HCK: variants seen among roughly 807,000 people sequenced by gnomAD.
HCK encodes tyrosine-protein kinase HCK.
In HCK, 40 loss-of-function variants were observed where a neutral mutation model predicts 70.4. The observed-to-expected ratio is 0.57, with a 90% CI of 0.44 to 0.74. The LOEUF (loss-of-function observed/expected upper bound fraction) is 0.74. HCK is among the 30% of genes least tolerant of loss of function. HCK has a pLI of 0.00. For missense variants in HCK, 568 were observed against 697.2 expected (o/e 0.81, Z 2.09); for synonymous variants, 245 against 263.2 (o/e 0.93, Z 0.67).
intron 1 of HCK, among the ~76,000 whole-genome samples, chr20:32,062,542 T>C (rs1190826433): frequency 6.6e-6 from 1 of 152,188 alleles, no homozygotes; most frequent in African/African-American, 2.4e-5. Flanking sequence ...CCCTGAGTTC[T>C]CCTTTAGTGT....
At chr20:32,072,747 A>AC (rs1430637250) in intron 2 of HCK, among the ~76,000 whole-genome samples, 3 of 151,230 alleles carry the variant, frequency 2.0e-5, no homozygotes, top group Non-Finnish European at 4.4e-5. Context: ...ATCTGGACCG[A>AC]CCCCTTCACT....
chr20:32,094,787 G>GAGA lies in HCK; in HGVS notation c.1246+773_1246+775dup, dbSNP rs1286693158. Among the ~76,000 whole-genome samples, 181 of 105,370 alleles carry GAGA rather than the reference G, an allele frequency of 1.7e-3. 2 individuals are homozygous for GAGA. The highest frequency in any genetic ancestry group is 6.5e-3 in the African/African-American group (162 of 25,042). The allele number at this position is 105,370 out of a possible 152,430, so 69.1% of individuals were successfully genotyped here. ...AAGGAAAGAAAGAAAGAGAGAGAAA[G>GAGA]AGAAAGAAAGAAAGAAAGAAAGAAA... On this transcript the variant is annotated intron_variant, in intron 11 of 12. Coordinates refer to ENST00000375852, the MANE Select transcript of HCK (RefSeq NM_002110.5).
chr20:32,096,230 G>A (rs889556227), intron 11 of HCK, among the ~76,000 whole-genome samples: 1 of 151,640 alleles, frequency 6.6e-6, no homozygotes, highest in African/African-American at 2.4e-5. Context: ...CGGGCACAGT[G>A]GCTCACACCT....
At chr20:32,054,735 G>A (rs1473858155) in intron 1 of HCK, among the ~76,000 whole-genome samples, 1 of 151,836 alleles carries the variant, frequency 6.6e-6, no homozygotes, top group East Asian at 1.9e-4. Flanking sequence ...GAACCCTGGA[G>A]GTGGAGCTTG....
At chr20:32,064,073 G>A (rs868441706) in intron 1 of HCK, among the ~76,000 whole-genome samples, 22 of 132,642 alleles carry the variant, frequency 1.7e-4, no homozygotes, top group South Asian at 7.2e-4. Flanking sequence ...GCGCAATCTC[G>A]GCTCACTGCA....
chr20:32,091,534 T>C (rs1230948380), intron 10 of HCK, among the ~76,000 whole-genome samples: 1 of 152,236 alleles, frequency 6.6e-6, no homozygotes, highest in Non-Finnish European at 1.5e-5. Flanking sequence ...TCATAACTTT[T>C]GTTAACTGTT....
At chr20:32,096,999 A>C (rs1031095232) in intron 11 of HCK, among the ~76,000 whole-genome samples, 1 of 152,032 alleles carries the variant, frequency 6.6e-6, no homozygotes, top group South Asian at 2.1e-4. Context: ...AAAAATTTAG[A>C]CCGGGCACAG....
At chr20:32,073,416 T>C in intron 3 of HCK, 55 bp downstream of exon 3, 5 of 1,453,226 alleles carry the variant, frequency 3.4e-6, no homozygotes, top group Non-Finnish European at 4.8e-6. Flanking sequence ...AGGACTCCGC[T>C]AGGTTCTCCC....
At chr20:32,087,073 G>T (rs1362564447) in intron 9 of HCK, among the ~76,000 whole-genome samples, 1 of 152,210 alleles carries the variant, frequency 6.6e-6, no homozygotes, top group East Asian at 1.9e-4. Context: ...CCTGGGCAAT[G>T]GGAGAAGGGG....
chr20:32,085,036 C>T (rs2045763801), intron 8 of HCK, among the ~76,000 whole-genome samples: 1 of 152,228 alleles, frequency 6.6e-6, no homozygotes, highest in Non-Finnish European at 1.5e-5. Context: ...AACAACACTG[C>T]CTGCTTTGCA....
chr20:32,059,804 C>T (rs1418404622), intron 1 of HCK, among the ~76,000 whole-genome samples: 1 of 152,140 alleles, frequency 6.6e-6, no homozygotes, highest in Non-Finnish European at 1.5e-5. Context: ...ATGTGAGCCA[C>T]CATACCTGGC....
At chr20:32,096,670 T>C (rs1366065146) in intron 11 of HCK, among the ~76,000 whole-genome samples, 2 of 152,060 alleles carry the variant, frequency 1.3e-5, no homozygotes, top group African/African-American at 4.8e-5. Context: ...CCCAGCTAAT[T>C]TTTTAATTAT....
intron 5 of HCK, among the ~76,000 whole-genome samples, chr20:32,077,527 T>G (rs1202878647): frequency 6.6e-6 from 1 of 152,136 alleles, no homozygotes; most frequent in Non-Finnish European, 1.5e-5. Flanking sequence ...TGTTTTGTTT[T>G]GTTTTGTTTT....
At chr20:32,076,648 A>G (rs1178434251) in intron 5 of HCK, among the ~76,000 whole-genome samples, 2 of 152,216 alleles carry the variant, frequency 1.3e-5, no homozygotes, top group Admixed American at 6.5e-5. Flanking sequence ...CATGAGCAGC[A>G]ACAGCATCAC....
intron 1 of HCK, among the ~76,000 whole-genome samples, chr20:32,061,367 G>A (rs151026457): frequency 6.6e-6 from 1 of 152,234 alleles, no homozygotes; most frequent in Non-Finnish European, 1.5e-5. Flanking sequence ...AGACATGGGT[G>A]GGCTTCGGTC....
At chr20:32,088,513 T>G (rs2223785) in intron 9 of HCK, 55 bp from the exon 10 acceptor site, 2 of 1,363,954 alleles carry the variant, frequency 1.5e-6, no homozygotes, top group Admixed American at 3.8e-5. Context: ...GTAATTGTGG[T>G]TTTTGCCATT....
chr20:32,052,379 G>C lies in HCK; in HGVS notation c.-46G>C. 7.9e-7 allele frequency: 1 copy of C among 1,269,946 alleles called. No individual in the cohort carries two copies. 78.7% of individuals were successfully genotyped at this position (1,269,946 alleles called of 1,614,324 possible). A position where few individuals can be genotyped will look rare whatever the true frequency, so the allele number is the denominator to read the frequency against. On this transcript the variant is annotated 5_prime_UTR_variant, in exon 1 of 13. Coordinates refer to ENST00000375852, the MANE Select transcript of HCK (RefSeq NM_002110.5). The stretch of plus-strand genomic sequence containing the variant: ...TCGCCCCCGCCTCTAGTTCTAGAAA[G>C]TCAGTTTCCCGGCACTGGCACCCCG...
In HCK at chr20:32,094,751, A is replaced by AAGAAAGAAAGAAAGAAAGAAAGAAAGAG. The variant is rs1555877786; in HGVS notation, c.1246+747_1246+748insAGAAAGAAAGAAAGAGAGAAAGAAAGAA. On this transcript the variant is annotated intron_variant, in intron 11 of 12. Coordinates refer to ENST00000375852, the MANE Select transcript of HCK (RefSeq NM_002110.5). The stretch of plus-strand genomic sequence containing the variant: ...AAAGAAAGAAAGAAAGAAAGAAAGA[A>AAGAAAGAAAGAAAGAAAGAAAGAAAGAG]AGAAAGAAAGAAGGAAAGAAAGAAA... Among the ~76,000 whole-genome samples the AAGAAAGAAAGAAAGAAAGAAAGAAAGAG allele has an allele frequency of 2.2e-4, 19 of 87,956 alleles. 1 individual carries two copies. Among genetic ancestry groups the AAGAAAGAAAGAAAGAAAGAAAGAAAGAG allele is most frequent in the African/African-American group, 8.4e-4 (15 of 17,858 alleles). 57.7% of individuals were successfully genotyped at this position (87,956 alleles called of 152,430 possible). A position where few individuals can be genotyped will look rare whatever the true frequency, so the allele number is the denominator to read the frequency against.
chr20:32,068,389 A>AT (rs10719271), intron 1 of HCK, among the ~76,000 whole-genome samples: 3 of 151,468 alleles, frequency 2.0e-5, no homozygotes, highest in Admixed American at 6.6e-5. Context: ...AATGAAAATA[A>AT]TTTTTTTTTA....
Sources: allele counts gnomAD v4.1 joint callset (sites outside exome capture counted in the v4.1 genomes callset), GRCh38; gene constraint gnomAD v4.1.1; transcripts MANE v1.5; gene names NCBI Gene and HGNC (gene_info 2026-07-23, HGNC 2026-07-21).